MGAM: variants seen among roughly 807,000 people sequenced by gnomAD.
MGAM encodes the protein maltase-glucoamylase.
Under a neutral mutation model 358.8 loss-of-function variants are expected in MGAM, and 253 were observed. The ratio of observed to expected loss-of-function variants is 0.71; its 90% CI spans 0.64 to 0.78. The LOEUF (loss-of-function observed/expected upper bound fraction) is 0.78. Ranked by LOEUF, MGAM falls within the 30% of genes least tolerant of loss-of-function variation. The probability of loss-of-function intolerance (pLI) is 0.00; values close to 1 mark genes in which losing one functional copy is unlikely to be tolerated. For synonymous variants in MGAM, 1,105 were observed against 1,227.1 expected (o/e 0.90, Z 2.08); for missense variants, 3,080 against 3,432.6 (o/e 0.90, Z 2.57).
At chr7:142,027,579 T>G in intron 9 of MGAM, 31 bp from the exon 10 acceptor site, 1 of 1,610,800 alleles carries the variant, frequency 6.2e-7, no homozygotes. Flanking sequence ...ACAGAGTATT[T>G]GCTAATTTTC....
At chr7:142,072,828 G>T (rs4329195) in intron 44 of MGAM, among the ~76,000 whole-genome samples, 14,031 of 146,026 alleles carry the variant, frequency 0.096, 2,086 homozygotes, top group African/African-American at 0.23. Context: ...TCTGTACCTT[G>T]GATTACTAGG....
chr7:142,052,484 C>T, intron 25 of MGAM, 38 bp downstream of exon 25: 1 of 1,609,190 alleles, frequency 6.2e-7, no homozygotes, highest in Non-Finnish European at 8.5e-7. Flanking sequence ...ATGAGAATCT[C>T]CACACCTAAT....
At position 142,057,387 on chromosome 7, in the gene MGAM, C is replaced by T. The variant is rs142906949; in HGVS notation, c.3693+445C>T. 2.7e-3 allele frequency among the ~76,000 whole-genome samples: 400 copies of T among 146,894 alleles called. 2 individuals are homozygous for T. The highest frequency in any genetic ancestry group is 9.0e-3 in the African/African-American group (357 of 39,524). On this transcript the variant is annotated intron_variant, in intron 30 of 70. Coordinates refer to ENST00000475668, the MANE Select transcript of MGAM (RefSeq NM_001365693.1). ...GTGATGGTGACAAGGGTGGGGCTGACGATGGTGTTTGTGGTAGTGATGGTG... is the reference window on the plus strand; with the variant it reads ...GTGATGGTGACAAGGGTGGGGCTGATGATGGTGTTTGTGGTAGTGATGGTG...
At chr7:142,090,854 T>C (rs546512637) in intron 57 of MGAM, among the ~76,000 whole-genome samples, 2 of 146,618 alleles carry the variant, frequency 1.4e-5, no homozygotes, top group African/African-American at 4.8e-5. Context: ...AGTATATATT[T>C]TGTGTCAAGT....
In MGAM at chr7:142,088,516, C is replaced by A. The variant is rs1037413103; in HGVS notation, c.6810+1799C>A. Among the ~76,000 whole-genome samples, 3 of 144,480 alleles carry A rather than the reference C, an allele frequency of 2.1e-5. 1 individual carries two copies. The highest frequency in any genetic ancestry group is 4.7e-5 in the Non-Finnish European group (3 of 64,018). The allele number at this position is 144,480 out of a possible 152,430, so 94.8% of individuals were successfully genotyped here. A position where few individuals can be genotyped will look rare whatever the true frequency, so the allele number is the denominator to read the frequency against. ...CTATCATATCTATGTATCTACCGATCAATGTATTAATTCATCCACCCACTC... is the reference window on the plus strand; with the variant it reads ...CTATCATATCTATGTATCTACCGATAAATGTATTAATTCATCCACCCACTC... On this transcript the variant is annotated intron_variant, in intron 57 of 70. Transcript: ENST00000475668.
chr7:142,059,824 G>T (rs1433603051), intron 32 of MGAM, 32 bp from the exon 33 acceptor site: 2 of 1,588,468 alleles, frequency 1.3e-6, no homozygotes, highest in South Asian at 1.1e-5. Flanking sequence ...TCTGGCTTTG[G>T]TTTTCCCAAC....
Position 142,088,411 on chromosome 7 carries a change from C to A in MGAM, c.6810+1694C>A, listed in dbSNP as rs183979038. ...TACTACTGAACAAGTATCTATCTAT[C>A]TATCTATGTATATCCATGTACCCAT... On this transcript the variant is annotated intron_variant, in intron 57 of 70. Coordinates refer to ENST00000475668, the MANE Select transcript of MGAM (RefSeq NM_001365693.1). 2.3e-3 allele frequency among the ~76,000 whole-genome samples: 329 copies of A among 140,104 alleles called. 12 individuals are homozygous for A. The highest frequency in any genetic ancestry group is 8.4e-3 in the African/African-American group (320 of 38,268). 91.9% of individuals were successfully genotyped at this position (140,104 alleles called of 152,430 possible).
At chr7:142,009,404 C>G (rs1420366975) in intron 3 of MGAM, among the ~76,000 whole-genome samples, 1 of 152,092 alleles carries the variant, frequency 6.6e-6, no homozygotes, top group Non-Finnish European at 1.5e-5. Context: ...TCATATTGTG[C>G]AAGTTACTCA....
chr7:142,019,373 CTG>C (rs1554457623), intron 4 of MGAM, 54 bp downstream of exon 4: 1 of 1,588,270 alleles, frequency 6.3e-7, no homozygotes, highest in Non-Finnish European at 8.6e-7. Context: ...GAGGTTGACT[CTG>C]TATCCCCCAG....
chr7:142,048,272 C>A (rs1810589097), intron 22 of MGAM, among the ~76,000 whole-genome samples: 1 of 151,500 alleles, frequency 6.6e-6, no homozygotes. Context: ...TCTGTCTCAG[C>A]CTCCCGCGTA....
At chr7:142,061,021 G>A (rs1025293125) in intron 34 of MGAM, among the ~76,000 whole-genome samples, 5 of 152,002 alleles carry the variant, frequency 3.3e-5, no homozygotes, top group Non-Finnish European at 5.9e-5. Context: ...TTTTTTTCCC[G>A]ATTGACTAAG....
chr7:142,020,953 C>CT (rs782176496), intron 4 of MGAM, 21 bp from the exon 5 acceptor site: 68 of 1,550,718 alleles, frequency 4.4e-5, no homozygotes, highest in Middle Eastern at 1.7e-4. Context: ...CTATGAAAAC[C>CT]TTTTTTTTCT....
intron 21 of MGAM, among the ~76,000 whole-genome samples, chr7:142,041,256 A>G (rs2129011994): frequency 6.6e-6 from 1 of 152,282 alleles, no homozygotes; most frequent in East Asian, 1.9e-4. Flanking sequence ...CCAAAAAAAT[A>G]GATTCCATCT....
At chr7:141,994,443 G>A (rs1804088673), upstream of MGAM, among the ~76,000 whole-genome samples, 1 of 152,164 alleles carries the variant, frequency 6.6e-6, no homozygotes, top group Non-Finnish European at 1.5e-5. Flanking sequence ...GAAATCACAG[G>A]AGCACCTAAA....
chr7:142,044,256 CAT>C (rs1363234901), intron 21 of MGAM, among the ~76,000 whole-genome samples: 3 of 123,280 alleles, frequency 2.4e-5, no homozygotes, highest in East Asian at 2.2e-4. Context: ...ACACATACGA[CAT>C]ATAATATATA....
chr7:142,076,582 TAGAATATATG>T (rs1328870454), intron 46 of MGAM, 67 bp from the exon 47 acceptor site: 2 of 1,269,034 alleles, frequency 1.6e-6, no homozygotes, highest in Non-Finnish European at 2.2e-6. Flanking sequence ...CAGTCTGGAA[TAGAATATATG>T]AGTGACTTGA....
intron 36 of MGAM, 139 bp downstream of exon 36, chr7:142,063,725 G>C: frequency 9.8e-6 from 10 of 1,019,106 alleles, no homozygotes; most frequent in Non-Finnish European, 1.4e-5. Context: ...AGAGACAAAA[G>C]CTCTGCACGT....
At chr7:142,055,156 G>A (rs1454238324) in intron 27 of MGAM, among the ~76,000 whole-genome samples, 2 of 152,180 alleles carry the variant, frequency 1.3e-5, no homozygotes, top group Non-Finnish European at 2.9e-5. Flanking sequence ...TAGATTAGGT[G>A]CTGCTCCTTA....
chr7:142,093,511 A>G lies in MGAM; in HGVS notation c.7133A>G (p.His2378Arg). Residue 2378 changes from histidine (H) to arginine (R), a missense_variant, in exon 60 of 71, where the codon CAC (histidine) becomes CGC (arginine). By Grantham distance (29) the His-to-Arg change is conservative (BLOSUM62 0). Coordinates refer to ENST00000475668, the MANE Select transcript of MGAM (RefSeq NM_001365693.1). ...TCCCCGGTGCAGCACTACAATGTGC[A>G]CAACCTGTACGGGTGGTCCCAGACC... ...DGSPVQHYNV[H>R]NLYGWSQTRP... 6.6e-7 allele frequency: 1 copy of G among 1,507,524 alleles called. No homozygotes were observed. The highest frequency in any genetic ancestry group is 1.4e-5 in the African/African-American group (1 of 73,426). 93.4% of individuals were successfully genotyped at this position (1,507,524 alleles called of 1,614,324 possible).
Sources: allele counts gnomAD v4.1 joint callset (sites outside exome capture counted in the v4.1 genomes callset), GRCh38; gene constraint gnomAD v4.1.1; transcripts MANE v1.5; gene names NCBI Gene and HGNC (gene_info 2026-07-23, HGNC 2026-07-21).